ZDHHC14: variants seen among roughly 807,000 people sequenced by gnomAD.
ZDHHC14 encodes zDHHC palmitoyltransferase 14.
In ZDHHC14, 16 loss-of-function variants were observed where a neutral mutation model predicts 47.7. That is an observed-to-expected ratio of 0.34 (90% CI 0.23 to 0.51). ZDHHC14 has a LOEUF of 0.51. Ranked by LOEUF, ZDHHC14 falls within the 20% of genes least tolerant of loss-of-function variation. ZDHHC14 has a pLI of 0.97. For synonymous variants in ZDHHC14, 293 were observed against 278.9 expected (o/e 1.05, Z -0.50); for missense variants, 515 against 662.5 (o/e 0.78, Z 2.44).
At position 157,511,547 on chromosome 6, in the gene ZDHHC14, C is replaced by CTTTTTTTTTTTTTTTTTTTTTT. The variant is rs34988240; in HGVS notation, c.246-31020_246-31019insTTTTTTTTTTTTTTTTTTTTTT. Among the ~76,000 whole-genome samples the CTTTTTTTTTTTTTTTTTTTTTT allele has an allele frequency of 9.1e-4, 104 of 114,860 alleles. 3 individuals carry two copies. Among genetic ancestry groups the CTTTTTTTTTTTTTTTTTTTTTT allele is most frequent in the African/African-American group, 2.1e-3 (57 of 26,716 alleles). The allele number at this position is 114,860 out of a possible 152,430, so 75.4% of individuals were successfully genotyped here. Reference sequence around the variant, plus strand: ...AGGCATGCGCCACGAAGCCCGGGTACTTTTTTTTTTTTTTTTTTGTATTTT... The same window carrying CTTTTTTTTTTTTTTTTTTTTTT: ...AGGCATGCGCCACGAAGCCCGGGTACTTTTTTTTTTTTTTTTTTTTTTTTTTTTTTTTTTTTTTTTGTATTTT... On this transcript the variant is annotated intron_variant, in intron 1 of 8. Coordinates refer to ENST00000359775, the MANE Select transcript of ZDHHC14 (RefSeq NM_024630.3).
chr6:157,485,932 G>C (rs1183499226), intron 1 of ZDHHC14, among the ~76,000 whole-genome samples: 1 of 152,200 alleles, frequency 6.6e-6, no homozygotes, highest in Non-Finnish European at 1.5e-5. Context: ...AGAATTGCTT[G>C]AACCCAGGAA....
chr6:157,506,420 G>A (rs1255138097), intron 1 of ZDHHC14, among the ~76,000 whole-genome samples: 1 of 152,208 alleles, frequency 6.6e-6, no homozygotes, highest in East Asian at 1.9e-4. Context: ...GTTGGAGAGA[G>A]CCCTCTGCAA....
intron 1 of ZDHHC14, among the ~76,000 whole-genome samples, chr6:157,498,498 C>T (rs1172870112): frequency 6.6e-6 from 1 of 151,986 alleles, no homozygotes. Flanking sequence ...ATCTTTCAGC[C>T]GGTATTTGGA....
intron 1 of ZDHHC14, among the ~76,000 whole-genome samples, chr6:157,469,887 C>A (rs1281995521): frequency 6.6e-6 from 1 of 152,214 alleles, no homozygotes; most frequent in Non-Finnish European, 1.5e-5. Flanking sequence ...CCCTCCCTGC[C>A]CTCTGTCACT....
At position 157,463,732 on chromosome 6, in the gene ZDHHC14, A is replaced by G. The variant is rs1779147254; in HGVS notation, c.246-78853A>G. Among the ~76,000 whole-genome samples the G allele has an allele frequency of 6.6e-6, 1 of 152,226 alleles. No individual in the cohort carries two copies. The highest frequency in any genetic ancestry group is 2.1e-4 in the South Asian group (1 of 4,834). Reference sequence around the variant, plus strand: ...CTTTACCTTTCATTAGTCAGATCTGAAAATTAACACCAGCCGGCACAGTGG... The same window carrying G: ...CTTTACCTTTCATTAGTCAGATCTGGAAATTAACACCAGCCGGCACAGTGG... On this transcript the variant is annotated intron_variant, in intron 1 of 8. Transcript: ENST00000359775. This position sits in a 1 kb window ranked among gnomAD's most constrained non-coding sequence, Gnocchi z 4.4.
Position 157,588,482 on chromosome 6 carries a change from T to A in ZDHHC14, c.407-4506T>A, listed in dbSNP as rs976104829. On this transcript the variant is annotated intron_variant, in intron 2 of 8. Coordinates refer to ENST00000359775, the MANE Select transcript of ZDHHC14 (RefSeq NM_024630.3). The stretch of plus-strand genomic sequence containing the variant: ...TAAAAATTAAAAAATATACATTTTT[T>A]AAAGAAGACTGCAGGGAGGGGCATT... 4.6e-5 allele frequency among the ~76,000 whole-genome samples: 7 copies of A among 152,216 alleles called. 1 individual carries two copies. The highest frequency in any genetic ancestry group is 1.4e-4 in the African/African-American group (6 of 41,536).
chr6:157,484,586 A>G (rs1025856162), intron 1 of ZDHHC14, among the ~76,000 whole-genome samples: 3 of 151,360 alleles, frequency 2.0e-5, no homozygotes, highest in Admixed American at 6.6e-5. Context: ...AAAATTTTCT[A>G]GGGGAAAAAA....
intron 3 of ZDHHC14, among the ~76,000 whole-genome samples, chr6:157,616,312 G>A (rs923999161): frequency 2.0e-5 from 3 of 152,214 alleles, no homozygotes; most frequent in African/African-American, 7.2e-5. Context: ...CAGAGGGCAT[G>A]AAATAAATGG....
chr6:157,642,252 A>G (rs1777292219), intron 5 of ZDHHC14, among the ~76,000 whole-genome samples: 1 of 152,164 alleles, frequency 6.6e-6, no homozygotes, highest in African/African-American at 2.4e-5. Context: ...ATACTGACGC[A>G]TCCTAACCAT....
chr6:157,520,321 A>G (rs575060730), intron 1 of ZDHHC14, among the ~76,000 whole-genome samples: 64 of 152,276 alleles, frequency 4.2e-4, no homozygotes, highest in African/African-American at 1.5e-3. Context: ...CCTGGCTTCT[A>G]AGTTTCATTG....
rs1199704693 is a variant in ZDHHC14, at chr6:157,586,798, A to G, written c.407-6190A>G. On this transcript the variant is annotated intron_variant, in intron 2 of 8. Coordinates refer to ENST00000359775, the MANE Select transcript of ZDHHC14 (RefSeq NM_024630.3). The surrounding 1 kb of genome is among the most constrained non-coding windows in gnomAD (Gnocchi z 4.6). The stretch of plus-strand genomic sequence containing the variant: ...CTTCTGATCCTTCCATTTCTTTTAC[A>G]TAAAGAGCTCTCCAAATATTTAGTC... Among the ~76,000 whole-genome samples the G allele has an allele frequency of 6.6e-6, 1 of 152,202 alleles. No individual in the cohort carries two copies. Among genetic ancestry groups the G allele is most frequent in the Non-Finnish European group, 1.5e-5 (1 of 68,040 alleles).
chr6:157,394,449 G>A (rs928951747), intron 1 of ZDHHC14, among the ~76,000 whole-genome samples: 2 of 152,184 alleles, frequency 1.3e-5, no homozygotes, highest in African/African-American at 4.8e-5. Context: ...CACTTGGGAC[G>A]TGCACCTTTG....
At chr6:157,609,319 C>T (rs760042683) in intron 3 of ZDHHC14, among the ~76,000 whole-genome samples, 17 of 152,126 alleles carry the variant, frequency 1.1e-4, no homozygotes, top group Non-Finnish European at 2.1e-4. Flanking sequence ...TGGCACTGGA[C>T]AGGAGAGGCC....
intron 1 of ZDHHC14, among the ~76,000 whole-genome samples, chr6:157,457,638 C>T (rs1336857517): frequency 6.6e-6 from 1 of 152,180 alleles, no homozygotes; most frequent in Non-Finnish European, 1.5e-5. Context: ...TTACTGTGAA[C>T]TATTAGTCAG....
intron 2 of ZDHHC14, among the ~76,000 whole-genome samples, chr6:157,562,694 G>A (rs775219216): frequency 4.9e-4 from 74 of 152,214 alleles, no homozygotes; most frequent in Non-Finnish European, 2.1e-4. Context: ...GTTGGAGACA[G>A]GACCTGGGAA....
At chr6:157,653,192 A>G (rs1280565329) in intron 7 of ZDHHC14, among the ~76,000 whole-genome samples, 3 of 152,264 alleles carry the variant, frequency 2.0e-5, no homozygotes, top group East Asian at 3.9e-4. Context: ...TTGAGGCTGG[A>G]GAGGAGCGCT....
chr6:157,513,085 T>C (rs1339058825), intron 1 of ZDHHC14, among the ~76,000 whole-genome samples: 5 of 152,268 alleles, frequency 3.3e-5, no homozygotes, highest in African/African-American at 9.6e-5. Context: ...CATCCACTTC[T>C]GCATAAACGT....
At chr6:157,607,169 A>G (rs1784569695) in intron 3 of ZDHHC14, among the ~76,000 whole-genome samples, 1 of 152,174 alleles carries the variant, frequency 6.6e-6, no homozygotes, top group African/African-American at 2.4e-5. Flanking sequence ...GAAGGGGTTC[A>G]CGGGCCTCAG....
At chr6:157,580,712 T>TTGTG (rs35713410) in intron 2 of ZDHHC14, among the ~76,000 whole-genome samples, 39,547 of 148,598 alleles carry the variant, frequency 0.27, 5,907 homozygotes, top group East Asian at 0.46. Flanking sequence ...TTTTTGTGTT[T>TTGTG]TGTGTGTGTG....
Sources: allele counts gnomAD v4.1 joint callset (sites outside exome capture counted in the v4.1 genomes callset), GRCh38; gene constraint gnomAD v4.1.1; non-coding constraint Gnocchi (gnomAD v3.1); transcripts MANE v1.5; gene names NCBI Gene and HGNC (gene_info 2026-07-23, HGNC 2026-07-21).